The following SPON1 variants were observed in gnomAD, a reference collection of about 807,000 sequenced individuals.
SPON1 encodes the protein spondin-1.
A neutral mutation model predicts 111.7 loss-of-function variants in SPON1; 52 were observed. The ratio of observed to expected loss-of-function variants is 0.47; its 90% CI spans 0.37 to 0.59. The LOEUF (loss-of-function observed/expected upper bound fraction) is 0.59, where lower values mean the gene tolerates loss of function less well. Among genes scored for constraint, SPON1 ranks in the 20% least tolerant of loss-of-function variants. The pLI is 0.00. For synonymous variants in SPON1, 410 were observed against 395.8 expected, an observed-to-expected ratio of 1.04 and a Z score of -0.43; for missense variants, 957 against 1,068.5, an observed-to-expected ratio of 0.90 and a Z score of 1.46.
chr11:13,987,192 C>T (rs909853358), intron 2 of SPON1, among the ~76,000 whole-genome samples: 45 of 152,118 alleles, frequency 3.0e-4, no homozygotes, highest in African/African-American at 1.0e-3. Context: ...AGTGTAAAAG[C>T]GTTCCTATTT....
intron 7 of SPON1, among the ~76,000 whole-genome samples, chr11:14,248,934 G>C (rs1554940457): frequency 6.6e-6 from 1 of 152,162 alleles, no homozygotes; most frequent in African/African-American, 2.4e-5. Flanking sequence ...AGACAGGAAA[G>C]GCAGACTCTG....
intron 1 of SPON1, among the ~76,000 whole-genome samples, chr11:13,978,212 A>G (rs1554909211): frequency 1.3e-5 from 2 of 152,108 alleles, no homozygotes; most frequent in African/African-American, 4.8e-5. Flanking sequence ...TTCTTTCATT[A>G]AGATTGTCTT....
intron 2 of SPON1, among the ~76,000 whole-genome samples, chr11:13,999,021 A>C (rs1848295782): frequency 6.6e-6 from 1 of 152,162 alleles, no homozygotes; most frequent in Non-Finnish European, 1.5e-5. Flanking sequence ...TTCCAGATCT[A>C]ACTACTTTAT....
intron 2 of SPON1, among the ~76,000 whole-genome samples, chr11:14,030,735 G>T (rs1848553058): frequency 6.6e-6 from 1 of 152,226 alleles, no homozygotes; most frequent in Non-Finnish European, 1.5e-5. Flanking sequence ...GGAGAAAAGG[G>T]AACACTTGTA....
chr11:14,213,424 C>T (rs1848595773), intron 6 of SPON1, among the ~76,000 whole-genome samples: 1 of 151,154 alleles, frequency 6.6e-6, no homozygotes, highest in Admixed American at 6.6e-5. Flanking sequence ...AACTCTCCTG[C>T]TTAAGATTTA....
chr11:14,189,263 C>G (rs11023133), intron 6 of SPON1, among the ~76,000 whole-genome samples: 25,237 of 152,184 alleles, frequency 0.17, 2,190 homozygotes, highest in Admixed American at 0.22. Flanking sequence ...ATACACAGCT[C>G]AAAACAATAT....
At chr11:14,178,872 A>G (rs1463707360) in intron 6 of SPON1, among the ~76,000 whole-genome samples, 3 of 152,186 alleles carry the variant, frequency 2.0e-5, no homozygotes, top group Admixed American at 2.0e-4. Flanking sequence ...GCTGCAGCAG[A>G]CACCTTGAGA....
At chr11:14,264,484 G>T (rs959736208) in intron 15 of SPON1, among the ~76,000 whole-genome samples, 9 of 152,118 alleles carry the variant, frequency 5.9e-5, no homozygotes, top group Non-Finnish European at 1.2e-4. Context: ...AGATTAACAT[G>T]TACATCAAGT....
At chr11:13,988,035 G>C (rs1848198972) in intron 2 of SPON1, among the ~76,000 whole-genome samples, 2 of 152,240 alleles carry the variant, frequency 1.3e-5, no homozygotes, top group African/African-American at 4.8e-5. Context: ...GGCTATTGCG[G>C]GCTCTTTTTT....
At chr11:14,165,644 G>A (rs1281323712) in intron 6 of SPON1, among the ~76,000 whole-genome samples, 1 of 152,122 alleles carries the variant, frequency 6.6e-6, no homozygotes, top group Non-Finnish European at 1.5e-5. Flanking sequence ...AACCCACAAA[G>A]AATTTAGAAT....
intron 3 of SPON1, among the ~76,000 whole-genome samples, chr11:14,053,397 A>G (rs1848721974): frequency 6.6e-6 from 1 of 152,142 alleles, no homozygotes; most frequent in South Asian, 2.1e-4. Flanking sequence ...GAAGCATACA[A>G]TGTGTGACCT....
intron 1 of SPON1, among the ~76,000 whole-genome samples, chr11:13,968,263 A>G (rs1156882138): frequency 1.3e-5 from 2 of 152,168 alleles, no homozygotes; most frequent in Non-Finnish European, 2.9e-5. Flanking sequence ...TTTAAACAAG[A>G]GGTAAATGGG....
At chr11:13,992,826 C>T (rs576838033) in intron 2 of SPON1, among the ~76,000 whole-genome samples, 1 of 151,938 alleles carries the variant, frequency 6.6e-6, no homozygotes. Flanking sequence ...TGACCCCTTG[C>T]TCTTCCTGGG....
At chr11:14,054,024 T>C (rs1003460142) in intron 3 of SPON1, among the ~76,000 whole-genome samples, 1 of 152,198 alleles carries the variant, frequency 6.6e-6, no homozygotes, top group South Asian at 2.1e-4. Flanking sequence ...CTGAGTTATT[T>C]ACCTCCCTGC....
At chr11:14,030,797 A>C (rs189731708) in intron 2 of SPON1, among the ~76,000 whole-genome samples, 1 of 152,344 alleles carries the variant, frequency 6.6e-6, no homozygotes, top group East Asian at 1.9e-4. Context: ...AGCAGTTTGG[A>C]GATTTCTCCA....
intron 5 of SPON1, among the ~76,000 whole-genome samples, chr11:14,121,590 C>T (rs1008753347): frequency 7.9e-5 from 12 of 151,948 alleles, no homozygotes; most frequent in African/African-American, 2.9e-4. Context: ...TTTTTTTTCA[C>T]CCAGAATGAG....
chr11:14,028,116 T>C (rs1207977777), intron 2 of SPON1, among the ~76,000 whole-genome samples: 1 of 152,180 alleles, frequency 6.6e-6, no homozygotes, highest in African/African-American at 2.4e-5. Context: ...AGTTTCTGAA[T>C]CTGTAAAATG....
chr11:14,042,914 C>G (rs1259842465), intron 3 of SPON1, among the ~76,000 whole-genome samples: 1 of 152,218 alleles, frequency 6.6e-6, no homozygotes, highest in African/African-American at 2.4e-5. Context: ...CGCCATCTGT[C>G]TGGACATTAT....
chr11:14,029,875 G>A (rs1406534581), intron 2 of SPON1, among the ~76,000 whole-genome samples: 2 of 152,168 alleles, frequency 1.3e-5, no homozygotes, highest in African/African-American at 4.8e-5. Context: ...CTGGCCCATT[G>A]AGGTAGATGC....
Sources: gnomAD v4.1 joint callset for allele counts (sites outside exome capture counted in the v4.1 genomes callset) on GRCh38, gnomAD v4.1.1 for gene constraint, MANE v1.5 for transcripts, NCBI Gene and HGNC (gene_info 2026-07-23, HGNC 2026-07-21) for gene names.